Variants in DLG2 observed in about 807,000 individuals in gnomAD.
The protein encoded by DLG2 is discs large MAGUK scaffold protein 2.
A neutral mutation model predicts 132.5 loss-of-function variants in DLG2; 45 were observed. That is an observed-to-expected ratio of 0.34 (90% CI 0.27 to 0.44). DLG2 has a LOEUF of 0.44. Ranked by LOEUF, DLG2 falls within the 20% of genes least tolerant of loss-of-function variation. The pLI, the probability that DLG2 is intolerant of heterozygous loss-of-function variation, is 1.00. For synonymous variants in DLG2, 424 were observed against 419.6 expected (o/e 1.01, Z -0.13); for missense variants, 1,045 against 1,196.9 (o/e 0.87, Z 1.87).
chr11:85,276,209 T>TA (rs2077882351), intron 4 of DLG2, among the ~76,000 whole-genome samples: 1 of 152,172 alleles, frequency 6.6e-6, no homozygotes, highest in Non-Finnish European at 1.5e-5. Flanking sequence ...GACCTCCATA[T>TA]AACACAGGCT....
At chr11:84,595,568 C>G (rs562086540) in intron 6 of DLG2, among the ~76,000 whole-genome samples, 1 of 151,964 alleles carries the variant, frequency 6.6e-6, no homozygotes, top group East Asian at 1.9e-4. Flanking sequence ...GTGGGAGAGT[C>G]TACAGACACC....
chr11:83,909,041 G>A (rs1335674158), intron 15 of DLG2, among the ~76,000 whole-genome samples: 1 of 152,142 alleles, frequency 6.6e-6, no homozygotes, highest in Non-Finnish European at 1.5e-5. Flanking sequence ...CTCATATGCA[G>A]CTTTTTAGCC....
At chr11:84,010,907 T>G (rs942507744) in intron 11 of DLG2, among the ~76,000 whole-genome samples, 14 of 152,128 alleles carry the variant, frequency 9.2e-5, no homozygotes, top group African/African-American at 3.4e-4. Context: ...TTATCAAATC[T>G]TTGCACTTGA....
At chr11:85,081,873 T>G (rs2067277099) in intron 6 of DLG2, among the ~76,000 whole-genome samples, 1 of 152,144 alleles carries the variant, frequency 6.6e-6, no homozygotes, top group Non-Finnish European at 1.5e-5. Context: ...ACTTGTTGTT[T>G]GTAAATTATG....
chr11:83,851,004 G>A (rs1032332720), intron 16 of DLG2, among the ~76,000 whole-genome samples: 9 of 152,026 alleles, frequency 5.9e-5, no homozygotes, highest in Non-Finnish European at 7.4e-5. Context: ...GTGAAACCCC[G>A]TCTCTACTGA....
At chr11:85,398,575 A>T (rs774761498) in intron 3 of DLG2, among the ~76,000 whole-genome samples, 1 of 152,212 alleles carries the variant, frequency 6.6e-6, no homozygotes, top group Non-Finnish European at 1.5e-5. Context: ...AAATAGATGC[A>T]ATAAAAAATG....
chr11:83,600,335 T>C (rs888387125), intron 19 of DLG2, among the ~76,000 whole-genome samples: 10 of 152,048 alleles, frequency 6.6e-5, no homozygotes, highest in Non-Finnish European at 1.3e-4. Flanking sequence ...CCTGTTCCTA[T>C]TGGAACCAGC....
intron 3 of DLG2, among the ~76,000 whole-genome samples, chr11:85,335,834 T>C (rs1339625284): frequency 6.6e-6 from 1 of 151,946 alleles, no homozygotes; most frequent in East Asian, 1.9e-4. Context: ...TTAGGAGAAA[T>C]ACCTAATGTA....
At chr11:85,491,446 C>A (rs924913984) in intron 3 of DLG2, among the ~76,000 whole-genome samples, 1 of 151,966 alleles carries the variant, frequency 6.6e-6, no homozygotes, top group Non-Finnish European at 1.5e-5. Flanking sequence ...AAGAAATAGT[C>A]ACCCAAATTG....
At chr11:84,923,383 T>A in intron 6 of DLG2, 1 of 1,038,680 alleles carries the variant, frequency 9.6e-7, no homozygotes, top group Non-Finnish European at 1.2e-6. Context: ...AGTTAAGACC[T>A]CAGTTGCTTT....
In DLG2 at chr11:85,493,938, T is replaced by C. The variant is rs115331034; in HGVS notation, c.40+104719A>G. On this transcript the variant is annotated intron_variant, in intron 3 of 27. Coordinates refer to ENST00000376104, the MANE Select transcript of DLG2 (RefSeq NM_001142699.3). ...TTCCAAGATGAAGGCACCAGTAGGA[T>C]TGGCATTCAGTGAGGGCTGCTCTAT... Among the ~76,000 whole-genome samples the C allele has an allele frequency of 7.4e-4, 112 of 152,224 alleles. 1 individual carries two copies. Among genetic ancestry groups the C allele is most frequent in the African/African-American group, 2.4e-3 (101 of 41,528 alleles).
intron 15 of DLG2, among the ~76,000 whole-genome samples, chr11:83,879,174 C>T (rs1256494851): frequency 6.6e-6 from 1 of 152,102 alleles, no homozygotes; most frequent in Non-Finnish European, 1.5e-5. Context: ...TAACAAATGG[C>T]TTTTAAATTT....
chr11:85,460,298 G>A (rs1008207163), intron 3 of DLG2, among the ~76,000 whole-genome samples: 1 of 152,192 alleles, frequency 6.6e-6, no homozygotes, highest in African/African-American at 2.4e-5. Context: ...TTCCATGTGT[G>A]CCTGGGCAGC....
intron 17 of DLG2, among the ~76,000 whole-genome samples, chr11:83,800,948 T>C (rs889519049): frequency 6.6e-6 from 1 of 152,150 alleles, no homozygotes; most frequent in African/African-American, 2.4e-5. Context: ...TTACATTAAC[T>C]CCAGACTTGA....
chr11:84,358,788 T>A (rs750555199), intron 7 of DLG2, among the ~76,000 whole-genome samples: 1 of 151,968 alleles, frequency 6.6e-6, no homozygotes, highest in Non-Finnish European at 1.5e-5. Context: ...TTTTGCTGTA[T>A]AATAACTAAT....
chr11:84,492,723 C>A (rs570159365), intron 7 of DLG2, among the ~76,000 whole-genome samples: 1 of 152,198 alleles, frequency 6.6e-6, no homozygotes, highest in South Asian at 2.1e-4. Context: ...ACCACAATCA[C>A]CATCATTATT....
At chr11:85,164,177 T>A (rs61907833) in intron 4 of DLG2, among the ~76,000 whole-genome samples, 2,546 of 152,210 alleles carry the variant, frequency 0.017, 36 homozygotes, top group South Asian at 0.036. Context: ...GACACAAATA[T>A]CTTTACTAAT....
intron 6 of DLG2, among the ~76,000 whole-genome samples, chr11:84,650,869 G>GTATATATATATATATATA (rs1183546230): frequency 8.2e-5 from 10 of 121,642 alleles, no homozygotes; most frequent in African/African-American, 4.0e-4. Flanking sequence ...GTGTGTGTGT[G>GTATATATATATATATATA]TGTGTATATA....
At chr11:83,473,167 A>G (rs1781164928) in intron 22 of DLG2, among the ~76,000 whole-genome samples, 1 of 152,122 alleles carries the variant, frequency 6.6e-6, no homozygotes, top group Non-Finnish European at 1.5e-5. Context: ...TGTACCTTTT[A>G]TTTCATCTTC....
Sources: gnomAD v4.1 joint callset for allele counts (sites outside exome capture counted in the v4.1 genomes callset) on GRCh38, gnomAD v4.1.1 for gene constraint, MANE v1.5 for transcripts, NCBI Gene and HGNC (gene_info 2026-07-23, HGNC 2026-07-21) for gene names.